The following B3GLCT variants were observed in gnomAD, a reference collection of about 807,000 sequenced individuals.
B3GLCT encodes beta 3-glucosyltransferase.
In B3GLCT, 65 loss-of-function variants were observed where a neutral mutation model predicts 63.4. The observed-to-expected ratio is 1.03, with a 90% CI of 0.84 to 1.26. The LOEUF (loss-of-function observed/expected upper bound fraction) is 1.26, where lower values mean the gene tolerates loss of function less well. B3GLCT is among the 50% of genes most tolerant of loss of function. The probability of loss-of-function intolerance (pLI) is 0.00; values close to 1 mark genes in which losing one functional copy is unlikely to be tolerated. For missense variants in B3GLCT, 577 were observed against 604.8 expected (o/e 0.95, Z 0.48); for synonymous variants, 233 against 219.2 (o/e 1.06, Z -0.55).
At position 31,288,335 on chromosome 13, in the gene B3GLCT, A is replaced by T. The variant is rs80054109; in HGVS notation, c.1064+1516A>T. Among the ~76,000 whole-genome samples the T allele has an allele frequency of 5.5e-3, 841 of 152,270 alleles. 12 individuals carry two copies. Among genetic ancestry groups the T allele is most frequent in the African/African-American group, 0.019 (808 of 41,570 alleles). ...TTGCTCCACCACCACTACTGCCATC[A>T]TTCACATCATACCAGCTGCTCAGGG... On this transcript the variant is annotated intron_variant, in intron 12 of 14. Transcript: ENST00000343307.
At chr13:31,250,251 G>A (rs560251403) in intron 6 of B3GLCT, among the ~76,000 whole-genome samples, 84 of 152,276 alleles carry the variant, frequency 5.5e-4, no homozygotes, top group African/African-American at 1.6e-3. Context: ...TTGGCTCACT[G>A]CAACCTCCAC....
chr13:31,296,237 G>C (rs1262429506), intron 12 of B3GLCT, among the ~76,000 whole-genome samples: 1 of 152,240 alleles, frequency 6.6e-6, no homozygotes, highest in African/African-American at 2.4e-5. Flanking sequence ...GGGAGCTGCA[G>C]ACCGGAGCTG....
rs80338850 is a variant in B3GLCT, at chr13:31,247,104, G to A, written c.347+5G>A. The A allele has an allele frequency of 4.4e-6, 7 of 1,609,110 alleles. No homozygotes were observed. Among genetic ancestry groups the A allele is most frequent in the African/African-American group, 2.7e-5 (2 of 74,738 alleles). The stretch of plus-strand genomic sequence containing the variant: ...CATACTTCCGTTGTTACCGCAGTAC[G>A]TTTGTTTAACTCACCTGTGAATTAC... On this transcript the variant is annotated splice_donor_5th_base_variant and intron_variant, in intron 5 of 14. Transcript: ENST00000343307.
intron 12 of B3GLCT, among the ~76,000 whole-genome samples, chr13:31,288,174 C>T (rs1020059104): frequency 1.1e-4 from 16 of 152,176 alleles, no homozygotes; most frequent in African/African-American, 3.9e-4. Context: ...GAACAGCCAC[C>T]TCCAGGAATG....
chr13:31,312,877 CAGA>C (rs1566094007), intron 12 of B3GLCT: 2 of 152,204 alleles, frequency 1.3e-5, no homozygotes, highest in African/African-American at 4.8e-5. Flanking sequence ...AACAGCAGAT[CAGA>C]TTTTTACACC....
Position 31,209,796 on chromosome 13 carries a change from C to G in B3GLCT, c.71-5255C>G, listed in dbSNP as rs1270165957. Among the ~76,000 whole-genome samples the G allele has an allele frequency of 2.0e-5, 3 of 152,342 alleles. No homozygotes were observed. In the East Asian group the frequency reaches 5.8e-4, roughly 29 times the overall value. On this transcript the variant is annotated intron_variant, in intron 1 of 14. Coordinates refer to ENST00000343307, the MANE Select transcript of B3GLCT (RefSeq NM_194318.4). ...TCTCATTGGTTCCTGCCAGCGCCCT[C>G]TGAGGTGGAGTTATTTGGCAGCTTA... is the stretch of plus-strand genomic sequence containing the variant.
intron 2 of B3GLCT, among the ~76,000 whole-genome samples, chr13:31,216,253 A>G (rs766393095): frequency 1.3e-5 from 2 of 152,226 alleles, no homozygotes; most frequent in Admixed American, 6.5e-5. Context: ...TTTATGATTA[A>G]TAAAGCATTT....
At chr13:31,208,002 A>C (rs559769290) in intron 1 of B3GLCT, among the ~76,000 whole-genome samples, 267 of 152,230 alleles carry the variant, frequency 1.8e-3, no homozygotes, top group African/African-American at 6.0e-3. Flanking sequence ...CTCTACAGGG[A>C]GGGAAACAGA....
At chr13:31,225,837 T>C (rs1870072887) in intron 3 of B3GLCT, among the ~76,000 whole-genome samples, 1 of 152,198 alleles carries the variant, frequency 6.6e-6, no homozygotes, top group South Asian at 2.1e-4. Context: ...ACTTGGCTCA[T>C]GAGGCCCTTC....
intron 7 of B3GLCT, 73 bp from the exon 8 acceptor site, chr13:31,269,141 A>G: frequency 1.0e-6 from 1 of 973,508 alleles, no homozygotes; most frequent in Non-Finnish European, 1.7e-6. Context: ...AACACTAGAA[A>G]GTCTCAAGAA....
intron 4 of B3GLCT, among the ~76,000 whole-genome samples, chr13:31,237,084 C>T (rs1178391209): frequency 1.1e-4 from 16 of 151,426 alleles, no homozygotes; most frequent in East Asian, 2.0e-4. Context: ...CGAGATCGCA[C>T]CACTGCACTC....
rs1159529303 is a variant in B3GLCT, at chr13:31,330,675, A to C, written c.*1007A>C. The C allele has an allele frequency of 1.3e-5, 2 of 151,810 alleles. No individual in the cohort carries two copies. The highest frequency in any genetic ancestry group is 2.9e-5 in the Non-Finnish European group (2 of 67,966). The allele number at this position is 151,810 out of a possible 1,614,324, so 9.4% of individuals were successfully genotyped here. On this transcript the variant is annotated 3_prime_UTR_variant, in exon 15 of 15. Transcript: ENST00000343307. ...AATGACATTTGAACACAGTATTTTG[A>C]AACAGCTCTAGTTTTCAAATTATAT...
chr13:31,265,152 C>CTAT (rs1872228469), intron 7 of B3GLCT, among the ~76,000 whole-genome samples: 1 of 152,190 alleles, frequency 6.6e-6, no homozygotes, highest in Admixed American at 6.5e-5. Flanking sequence ...AATCTCCAGA[C>CTAT]TATTAACAGT....
chr13:31,274,685 C>T (rs1015317049), intron 9 of B3GLCT, 57 bp downstream of exon 9: 3 of 1,593,350 alleles, frequency 1.9e-6, no homozygotes, highest in African/African-American at 1.3e-5. Context: ...AGATGCTGTG[C>T]ATAATGTCAT....
intron 12 of B3GLCT, chr13:31,311,634 T>C (rs1380086855): frequency 6.6e-6 from 1 of 152,254 alleles, no homozygotes; most frequent in Non-Finnish European, 1.5e-5. Flanking sequence ...AGAAAAGACC[T>C]TGGTTTTAGA....
chr13:31,316,247 C>T (rs1281748705), intron 12 of B3GLCT, among the ~76,000 whole-genome samples: 1 of 151,054 alleles, frequency 6.6e-6, no homozygotes, highest in East Asian at 2.0e-4. Context: ...CCTCTGTGCA[C>T]CTTGGAAAAG....
At chr13:31,211,255 C>T (rs903651775) in intron 1 of B3GLCT, among the ~76,000 whole-genome samples, 1 of 152,038 alleles carries the variant, frequency 6.6e-6, no homozygotes, top group Non-Finnish European at 1.5e-5. Context: ...ATTAGCTGGG[C>T]ATGGTGGCAC....
At position 31,204,191 on chromosome 13, in the gene B3GLCT, A is replaced by T. The variant is rs1187594966; in HGVS notation, c.70+4037A>T. 2.6e-5 allele frequency among the ~76,000 whole-genome samples: 4 copies of T among 152,106 alleles called. No homozygotes were observed. The East Asian group carries it at 7.7e-4, about 29-fold the overall frequency. Reference sequence around the variant, plus strand: ...TAGATGGCTTTTGCCTAGACTGGGGAGATGGATCTCAACAGGGAGCCATCT... The same window carrying T: ...TAGATGGCTTTTGCCTAGACTGGGGTGATGGATCTCAACAGGGAGCCATCT... On this transcript the variant is annotated intron_variant, in intron 1 of 14. Coordinates refer to ENST00000343307, the MANE Select transcript of B3GLCT (RefSeq NM_194318.4).
intron 6 of B3GLCT, among the ~76,000 whole-genome samples, chr13:31,254,981 G>A (rs1212500915): frequency 2.0e-5 from 3 of 150,380 alleles, no homozygotes; most frequent in Admixed American, 6.7e-5. Context: ...AGGTTGCAGT[G>A]AGCTGAGATG....
Sources: gnomAD v4.1 joint callset for allele counts (sites outside exome capture counted in the v4.1 genomes callset) on GRCh38, gnomAD v4.1.1 for gene constraint, MANE v1.5 for transcripts, NCBI Gene and HGNC (gene_info 2026-07-23, HGNC 2026-07-21) for gene names.